The following CCNF variants were observed in gnomAD, a reference collection of about 807,000 sequenced individuals.
CCNF encodes cyclin-F.
Under a neutral mutation model 85.4 loss-of-function variants are expected in CCNF, and 30 were observed. That is an observed-to-expected ratio of 0.35 (90% CI 0.26 to 0.48). The LOEUF is 0.48. Among genes scored for constraint, CCNF ranks in the 20% least tolerant of loss-of-function variants. The pLI is 0.99. For missense variants in CCNF, 919 were observed against 1,010.4 expected (o/e 0.91, Z 1.23); for synonymous variants, 439 against 425.1 (o/e 1.03, Z -0.40).
At chr16:2,431,094 T>G (rs1369201519) in intron 1 of CCNF, 36 bp from the exon 2 acceptor site, 1 of 1,609,308 alleles carries the variant, frequency 6.2e-7, no homozygotes, top group Non-Finnish European at 8.5e-7. Context: ...GAATAATTTT[T>G]CATCTTATCA....
rs903459214 is a variant in CCNF at position 2,431,381 on chromosome 16, AAG to A, written c.171+100_171+101del. 6 of 1,403,338 alleles carry A rather than the reference AAG, an allele frequency of 4.3e-6. No homozygotes were observed. The African/African-American group carries it at 8.6e-5, about 20-fold the overall frequency. The allele number at this position is 1,403,338 out of a possible 1,614,324, so 86.9% of individuals were successfully genotyped here. ...TGTCAGAACAAAACTTTGGCTAAAA[AAG>A]AGGTTGGGGCAGAGGCCAGGCACGG... On this transcript the variant is annotated intron_variant, in intron 2 of 16. Transcript: ENST00000397066.
chr16:2,449,584 C>A, intron 12 of CCNF, 122 bp downstream of exon 12: 1 of 967,820 alleles, frequency 1.0e-6, no homozygotes, highest in Non-Finnish European at 1.5e-6. Context: ...GGGTGAGATA[C>A]AGCACGGCTC....
intron 15 of CCNF, among the ~76,000 whole-genome samples, chr16:2,454,021 C>A (rs1343141130): frequency 6.6e-6 from 1 of 152,194 alleles, no homozygotes; most frequent in Admixed American, 6.5e-5. Flanking sequence ...TTCTACCTCA[C>A]CCGCCTGGAG....
chr16:2,448,149 C>T (rs567581765), intron 10 of CCNF, among the ~76,000 whole-genome samples: 1 of 152,230 alleles, frequency 6.6e-6, no homozygotes, highest in African/African-American at 2.4e-5. Flanking sequence ...TTTCCAACAA[C>T]CCTTGGGCCC....
chr16:2,431,121 T>G lies in CCNF; in HGVS notation c.17-9T>G, dbSNP rs1372262908. The G allele has an allele frequency of 3.1e-6, 5 of 1,612,650 alleles. No homozygotes were observed. Among genetic ancestry groups the G allele is most frequent in the Non-Finnish European group, 4.2e-6 (5 of 1,179,444 alleles). ...ATCTTATCAAGGCTTCTGTCTTTTT[T>G]TCCTTCAGTGGTCCACTGTAGGTGT... On this transcript the variant is annotated splice_polypyrimidine_tract_variant and intron_variant, in intron 1 of 16. Transcript: ENST00000397066.
Position 2,449,437 on chromosome 16 carries a change from C to T in CCNF, c.1374C>T (p.Leu458=). The T allele has an allele frequency of 6.2e-7, 1 of 1,607,638 alleles. No individual in the cohort carries two copies. Among genetic ancestry groups the T allele is most frequent in the Non-Finnish European group, 8.5e-7 (1 of 1,179,766 alleles). ...CCCGCCTGGCTGCCGCAGCCCTGCT[C>T]CTGGCCAGACTGACGCACGGGCAGA... ...APARLAAAAL[L]LARLTHGQTQ... is the part of the protein sequence containing the mutation. The change falls in exon 12 of 17, where the codon CTC becomes CTT. Residue 458 remains leucine (L), a synonymous_variant. Coordinates refer to ENST00000397066, the MANE Select transcript of CCNF (RefSeq NM_001761.3).
intron 9 of CCNF, 57 bp from the exon 10 acceptor site, chr16:2,445,401 A>C (rs781152137): frequency 1.2e-5 from 19 of 1,589,534 alleles, no homozygotes; most frequent in Non-Finnish European, 1.5e-5. Flanking sequence ...TTGAAATCGC[A>C]GACAGGGACA....
intron 6 of CCNF, 32 bp downstream of exon 6, chr16:2,438,155 T>C: frequency 1.3e-6 from 2 of 1,496,748 alleles, no homozygotes; most frequent in South Asian, 1.1e-5. Context: ...ACTGGGACTT[T>C]GTGTTCGATA....
intron 12 of CCNF, 85 bp downstream of exon 12, chr16:2,449,547 A>G (rs1209284935): frequency 7.4e-7 from 1 of 1,358,544 alleles, no homozygotes; most frequent in African/African-American, 1.4e-5. Context: ...AGAGTCCAGC[A>G]TCCATTTGTC....
intron 9 of CCNF, 44 bp from the exon 10 acceptor site, chr16:2,445,414 T>G: frequency 3.7e-6 from 6 of 1,607,546 alleles, no homozygotes; most frequent in Non-Finnish European, 5.1e-6. Context: ...CAGGGACACA[T>G]GGAGAACGCC....
chr16:2,431,369 CTT>C (rs753177031), intron 2 of CCNF, 85 bp downstream of exon 2: 2 of 1,470,998 alleles, frequency 1.4e-6, no homozygotes, highest in Non-Finnish European at 9.3e-7. Flanking sequence ...CAGAACAAAA[CTT>C]TGGCTAAAAA....
At chr16:2,431,582 AG>A (rs2065262769) in intron 2 of CCNF, among the ~76,000 whole-genome samples, 1 of 148,078 alleles carries the variant, frequency 6.8e-6, no homozygotes, top group African/African-American at 2.5e-5. Context: ...AGGGAGGCTG[AG>A]GCGGGAAAAT....
Position 2,453,592 on chromosome 16 carries a change from C to T in CCNF, c.1715+55C>T. 4 of 1,607,940 alleles carry T rather than the reference C, an allele frequency of 2.5e-6. No individual in the cohort carries two copies. The highest frequency in any genetic ancestry group is 2.2e-5 in the East Asian group (1 of 44,826). On this transcript the variant is annotated intron_variant, in intron 15 of 16. Coordinates refer to ENST00000397066, the MANE Select transcript of CCNF (RefSeq NM_001761.3). The surrounding 1 kb of genome is among the most constrained non-coding windows in gnomAD (Gnocchi z 5.6). Reference sequence around the variant, plus strand: ...TACAATGCTGGCATCCTCGTGCCGGCCCAGTTCCCTCAGCGCTTCCTCACA... The same window carrying T: ...TACAATGCTGGCATCCTCGTGCCGGTCCAGTTCCCTCAGCGCTTCCTCACA...
In CCNF at chr16:2,456,833, C is replaced by T. The variant is rs1439671328; in HGVS notation, c.2174C>T (p.Thr725Ile). 2 of 1,613,858 alleles carry T rather than the reference C, an allele frequency of 1.2e-6. No homozygotes were observed. Among genetic ancestry groups the T allele is most frequent in the Admixed American group, 3.3e-5 (2 of 59,996 alleles). Residue 725 changes from threonine to isoleucine, a missense_variant, in exon 17 of 17, where the codon ACC becomes ATC. Thr to Ile is a moderately conservative substitution (Grantham distance 89). Around this residue, in one of 3 missense-constraint regions of CCNF, gnomAD observed 505 missense variants for 514.8 expected, o/e 0.98. Coordinates refer to ENST00000397066, the MANE Select transcript of CCNF (RefSeq NM_001761.3). This position sits in a 1 kb window ranked among gnomAD's most constrained non-coding sequence, Gnocchi z 4.5. ...DGGLGALPQPTSVLSLDSDSH... is the reference protein window; with the variant it reads ...DGGLGALPQPISVLSLDSDSH... ...GGCTTGGGGGCCCTGCCCCAACCTA[C>T]CTCAGTGCTGTCCCTGGACAGTGAC...
intron 1 of CCNF, among the ~76,000 whole-genome samples, chr16:2,430,208 A>AG (rs1227931455): frequency 6.6e-6 from 1 of 151,916 alleles, no homozygotes; most frequent in East Asian, 1.9e-4. Context: ...GGGCCCACAG[A>AG]GGGGAGTGGC....
At chr16:2,434,550 G>T (rs2065277919) in intron 3 of CCNF, among the ~76,000 whole-genome samples, 1 of 152,254 alleles carries the variant, frequency 6.6e-6, no homozygotes, top group South Asian at 2.1e-4. Context: ...GGCAGAGGTT[G>T]CAGTGAGCCG....
chr16:2,449,802 C>T, intron 12 of CCNF, 26 bp from the exon 13 acceptor site: 1 of 1,483,502 alleles, frequency 6.7e-7, no homozygotes, highest in Non-Finnish European at 9.4e-7. Context: ...CCATCCCCTC[C>T]ACCCCTGGCC....
intron 2 of CCNF, among the ~76,000 whole-genome samples, chr16:2,432,675 C>T (rs566746197): frequency 6.6e-6 from 1 of 152,154 alleles, no homozygotes; most frequent in African/African-American, 2.4e-5. Context: ...GGGGGTGATA[C>T]CTTTGCAGGG....
At position 2,458,094 on chromosome 16, in the gene CCNF, T is replaced by C. The variant is rs928104104; in HGVS notation, c.*1074T>C. Reference sequence around the variant, plus strand: ...TCTGCTCCTGCATGGAAAGGGAGCCTGGGAGCCAGCAGCCCACGCCTGGGG... The same window carrying C: ...TCTGCTCCTGCATGGAAAGGGAGCCCGGGAGCCAGCAGCCCACGCCTGGGG... On this transcript the variant is annotated 3_prime_UTR_variant, in exon 17 of 17. Coordinates refer to ENST00000397066, the MANE Select transcript of CCNF (RefSeq NM_001761.3). 6.6e-6 allele frequency: 1 copy of C among 152,152 alleles called. No homozygotes were observed. The highest frequency in any genetic ancestry group is 1.5e-5 in the Non-Finnish European group (1 of 68,028). The allele number at this position is 152,152 out of a possible 1,614,324, so 9.4% of individuals were successfully genotyped here.
Sources: gnomAD v4.1 joint callset for allele counts (sites outside exome capture counted in the v4.1 genomes callset) on GRCh38, gnomAD v4.1.1 for gene constraint, gnomAD v4.1.1 regional missense constraint, Gnocchi (gnomAD v3.1) non-coding constraint, MANE v1.5 for transcripts, NCBI Gene and HGNC (gene_info 2026-07-23, HGNC 2026-07-21) for gene names.